The following COL19A1 variants were observed in gnomAD, a reference collection of about 807,000 sequenced individuals.
COL19A1 encodes collagen alpha-1(XIX) chain.
A neutral mutation model predicts 190.2 loss-of-function variants in COL19A1; 159 were observed. The observed-to-expected ratio is 0.84, with a 90% CI of 0.73 to 0.95. COL19A1 has a LOEUF of 0.95. Ranked by LOEUF, COL19A1 falls within the 40% of genes least tolerant of loss-of-function variation. The pLI is 0.00. For missense variants in COL19A1, 1,418 were observed against 1,431.9 expected, an observed-to-expected ratio of 0.99 and a Z score of 0.16; for synonymous variants, 509 against 458.9, an observed-to-expected ratio of 1.11 and a Z score of -1.39.
At position 70,180,456 on chromosome 6, in the gene COL19A1, T is replaced by G. The variant is rs1766100720; in HGVS notation, c.2713-5T>G. Reference sequence around the variant, plus strand: ...ATTAATTTGTGTCTGTGGATGTGTTTATAGGGTGAGAGAGGACCTGTTGGA... The same window carrying G: ...ATTAATTTGTGTCTGTGGATGTGTTGATAGGGTGAGAGAGGACCTGTTGGA... On this transcript the variant is annotated splice_region_variant and splice_polypyrimidine_tract_variant and intron_variant, in intron 43 of 50. Coordinates refer to ENST00000620364, the MANE Select transcript of COL19A1 (RefSeq NM_001858.6). The G allele has an allele frequency of 6.2e-7, 1 of 1,614,024 alleles. No individual in the cohort carries two copies. Among genetic ancestry groups the G allele is most frequent in the South Asian group, 1.1e-5 (1 of 91,092 alleles).
chr6:70,037,875 AT>A (rs1388758031), intron 14 of COL19A1, among the ~76,000 whole-genome samples: 1 of 152,210 alleles, frequency 6.6e-6, no homozygotes, highest in Admixed American at 6.5e-5. Context: ...AGCTAATTTC[AT>A]ACTTGTCTAA....
chr6:70,146,772 C>G (rs780930064), intron 26 of COL19A1, 40 bp from the exon 27 acceptor site: 2 of 1,589,540 alleles, frequency 1.3e-6, no homozygotes, highest in Non-Finnish European at 1.7e-6. Context: ...AAATGTATGT[C>G]TCTTGAGCCT....
At chr6:70,084,996 C>T (rs924098865) in intron 15 of COL19A1, among the ~76,000 whole-genome samples, 64 of 152,042 alleles carry the variant, frequency 4.2e-4, no homozygotes, top group African/African-American at 1.4e-3. Flanking sequence ...CGAAATAATA[C>T]TAATGGTACC....
At chr6:70,200,838 C>T (rs951515387) in intron 49 of COL19A1, among the ~76,000 whole-genome samples, 8 of 152,196 alleles carry the variant, frequency 5.3e-5, no homozygotes, top group Admixed American at 2.0e-4. Context: ...ACCATGATTG[C>T]CAAGTCTTTG....
At chr6:70,026,035 C>T (rs1002915430) in intron 12 of COL19A1, among the ~76,000 whole-genome samples, 1 of 146,260 alleles carries the variant, frequency 6.8e-6, no homozygotes, top group African/African-American at 2.8e-5. Flanking sequence ...AGTATGTGGG[C>T]TCTCTGAGAT....
chr6:70,061,546 C>CTAAATTTT (rs1780829441), intron 14 of COL19A1, among the ~76,000 whole-genome samples: 1 of 151,844 alleles, frequency 6.6e-6, no homozygotes, highest in African/African-American at 2.4e-5. Context: ...ATATTTTTTG[C>CTAAATTTT]GTTTGTTAAA....
At chr6:69,921,512 ATGTATATTCATATATATTCATG>A (rs1561998802) in intron 4 of COL19A1, among the ~76,000 whole-genome samples, 31 of 8,742 alleles carry the variant, frequency 3.5e-3, no homozygotes, top group East Asian at 0.029. Context: ...ATATATTCAT[ATGTATATTCATATATATTCATG>A]TATATTCATA....
intron 14 of COL19A1, among the ~76,000 whole-genome samples, chr6:70,051,924 A>G (rs1279120333): frequency 6.6e-6 from 1 of 152,094 alleles, no homozygotes; most frequent in Non-Finnish European, 1.5e-5. Context: ...GCCAGCCTGC[A>G]CTATTGATCT....
At chr6:70,066,664 A>G (rs1458546895) in intron 14 of COL19A1, among the ~76,000 whole-genome samples, 1 of 151,940 alleles carries the variant, frequency 6.6e-6, no homozygotes, top group Non-Finnish European at 1.5e-5. Context: ...TATATACATA[A>G]TAAGTAACTA....
intron 11 of COL19A1, among the ~76,000 whole-genome samples, chr6:69,972,091 A>G (rs1281300318): frequency 6.6e-6 from 1 of 152,100 alleles, no homozygotes; most frequent in Non-Finnish European, 1.5e-5. Flanking sequence ...AGTTACTTGA[A>G]TGTGCCAGGC....
chr6:70,177,928 A>G (rs1193296442), intron 42 of COL19A1, among the ~76,000 whole-genome samples: 1 of 152,248 alleles, frequency 6.6e-6, no homozygotes, highest in Non-Finnish European at 1.5e-5. Context: ...CATTGCAAGT[A>G]TTTAAAAGAT....
chr6:69,926,658 A>G (rs956794823), intron 4 of COL19A1, among the ~76,000 whole-genome samples: 7 of 152,132 alleles, frequency 4.6e-5, no homozygotes, highest in African/African-American at 1.4e-4. Context: ...GCAAGCATGC[A>G]TAATAGGAAT....
intron 11 of COL19A1, among the ~76,000 whole-genome samples, chr6:69,999,770 A>G (rs1411250579): frequency 6.6e-6 from 1 of 152,198 alleles, no homozygotes; most frequent in Non-Finnish European, 1.5e-5. Context: ...TTTAAGTTAG[A>G]AAAGAATTTC....
At chr6:70,044,436 G>A (rs1282377677) in intron 14 of COL19A1, among the ~76,000 whole-genome samples, 7 of 152,198 alleles carry the variant, frequency 4.6e-5, no homozygotes, top group Admixed American at 1.3e-4. Flanking sequence ...TTTGGCTGGA[G>A]GGACCTAGCT....
intron 11 of COL19A1, among the ~76,000 whole-genome samples, chr6:70,021,125 T>G (rs568639492): frequency 1.3e-5 from 2 of 152,260 alleles, no homozygotes; most frequent in East Asian, 1.9e-4. Context: ...TTAATGAACC[T>G]TATTTCACTA....
At chr6:69,919,575 A>T (rs921178432) in intron 4 of COL19A1, among the ~76,000 whole-genome samples, 3 of 152,094 alleles carry the variant, frequency 2.0e-5, no homozygotes, top group Non-Finnish European at 4.4e-5. Flanking sequence ...CAGAAAAAAA[A>T]TTTTCATTAA....
intron 16 of COL19A1, among the ~76,000 whole-genome samples, chr6:70,106,013 T>C (rs889092594): frequency 6.6e-6 from 1 of 152,270 alleles, no homozygotes; most frequent in African/African-American, 2.4e-5. Context: ...CCAGGAGGCA[T>C]GATTTTTTTA....
chr6:69,888,887 G>A (rs2502545), intron 2 of COL19A1, among the ~76,000 whole-genome samples: 72,352 of 151,292 alleles, frequency 0.48, 17,559 homozygotes, highest in Middle Eastern at 0.59. Context: ...TTTGTTAACT[G>A]GTGTTCTTTT....
chr6:69,906,581 T>C (rs1208170922), intron 4 of COL19A1, among the ~76,000 whole-genome samples: 2 of 152,184 alleles, frequency 1.3e-5, no homozygotes, highest in Non-Finnish European at 2.9e-5. Flanking sequence ...GAAATGAGGC[T>C]ACGTGTGAAA....
Sources: gnomAD v4.1 joint callset for allele counts (sites outside exome capture counted in the v4.1 genomes callset) on GRCh38, gnomAD v4.1.1 for gene constraint, MANE v1.5 for transcripts, NCBI Gene and HGNC (gene_info 2026-07-23, HGNC 2026-07-21) for gene names.